UNC5D: variants seen among roughly 807,000 people sequenced by gnomAD.
UNC5D encodes the protein unc-5 netrin receptor D.
In UNC5D, 39 loss-of-function variants were observed where a neutral mutation model predicts 105.4. That is an observed-to-expected ratio of 0.37 (90% confidence interval 0.29 to 0.48). UNC5D has a LOEUF of 0.48. Among genes scored for constraint, UNC5D ranks in the 20% least tolerant of loss-of-function variants. The pLI, the probability that UNC5D is intolerant of heterozygous loss-of-function variation, is 0.98. For missense variants in UNC5D, 991 were observed against 1,202.4 expected (o/e 0.82, Z 2.60); for synonymous variants, 452 against 450.4 (o/e 1.00, Z -0.04).
intron 1 of UNC5D, among the ~76,000 whole-genome samples, chr8:35,471,477 G>A (rs368221233): frequency 6.6e-6 from 1 of 151,994 alleles, no homozygotes; most frequent in African/African-American, 2.4e-5. Flanking sequence ...GTAAACCAAC[G>A]TATAATATTG....
intron 1 of UNC5D, among the ~76,000 whole-genome samples, chr8:35,434,548 A>C (rs535545452): frequency 6.6e-6 from 1 of 152,244 alleles, no homozygotes; most frequent in Non-Finnish European, 1.5e-5. Flanking sequence ...ATTATTCCCC[A>C]GAATAAATTA....
At position 35,273,998 on chromosome 8, in the gene UNC5D, GT is replaced by G. The variant is rs755165518; in HGVS notation, c.103+38123del. Reference sequence around the variant, plus strand: ...TTTATATTAATGTCAATTTATCGTGGTTTTTTTTTTTTAAACTTTCTCAGTA... The same window carrying G: ...TTTATATTAATGTCAATTTATCGTGGTTTTTTTTTTTAAACTTTCTCAGTA... On this transcript the variant is annotated intron_variant, in intron 1 of 16. Coordinates refer to ENST00000404895, the MANE Select transcript of UNC5D (RefSeq NM_080872.4). Among the ~76,000 whole-genome samples the G allele has an allele frequency of 4.2e-3, 617 of 145,648 alleles. 5 individuals are homozygous for G. Among genetic ancestry groups the G allele is most frequent in the African/African-American group, 0.013 (515 of 39,920 alleles).
At chr8:35,336,791 G>GTTTTTTT (rs11404669) in intron 1 of UNC5D, among the ~76,000 whole-genome samples, 3 of 147,666 alleles carry the variant, frequency 2.0e-5, no homozygotes, top group Non-Finnish European at 3.0e-5. Context: ...AGGAAATAGT[G>GTTTTTTT]TTTTTTTTTT....
At chr8:35,270,256 T>C (rs577495042) in intron 1 of UNC5D, among the ~76,000 whole-genome samples, 17 of 152,258 alleles carry the variant, frequency 1.1e-4, no homozygotes, top group Admixed American at 3.3e-4. Flanking sequence ...GGTAAACTCA[T>C]TATGTGGTAA....
At chr8:35,678,416 A>G (rs1253054112) in intron 4 of UNC5D, among the ~76,000 whole-genome samples, 2 of 152,230 alleles carry the variant, frequency 1.3e-5, no homozygotes, top group African/African-American at 4.8e-5. Context: ...ACTGTGCTAC[A>G]TGATAAATAA....
intron 1 of UNC5D, among the ~76,000 whole-genome samples, chr8:35,510,942 T>G (rs768747739): frequency 6.6e-5 from 10 of 152,348 alleles, no homozygotes; most frequent in Admixed American, 2.6e-4. Context: ...TTGGACTAAT[T>G]GAGGGAAAGG....
intron 1 of UNC5D, among the ~76,000 whole-genome samples, chr8:35,380,300 C>A (rs972815706): frequency 6.6e-6 from 1 of 151,590 alleles, no homozygotes; most frequent in Admixed American, 6.6e-5. Flanking sequence ...ATGAGGACCC[C>A]ACTCTCTGCA....
chr8:35,600,282 T>G (rs149913435), intron 4 of UNC5D, among the ~76,000 whole-genome samples: 293 of 152,352 alleles, frequency 1.9e-3, no homozygotes, highest in African/African-American at 6.4e-3. Flanking sequence ...TGTGTCTTTA[T>G]AGCAGAATGA....
chr8:35,793,317 A>G lies in UNC5D; in HGVS notation c.*2754A>G, dbSNP rs1236252078. 6.2e-6 allele frequency: 2 copies of G among 324,878 alleles called. No individual in the cohort carries two copies. The highest frequency in any genetic ancestry group is 5.1e-5 in the South Asian group (2 of 39,014). 20.1% of individuals were successfully genotyped at this position (324,878 alleles called of 1,614,324 possible). On this transcript the variant is annotated 3_prime_UTR_variant, in exon 17 of 17. Transcript: ENST00000404895. ...AGATAAAAAGTGAGCTTACACTTGAACTTAGTTATTCACTGTGACCTAAAT... is the reference window on the plus strand; with the variant it reads ...AGATAAAAAGTGAGCTTACACTTGAGCTTAGTTATTCACTGTGACCTAAAT...
intron 1 of UNC5D, among the ~76,000 whole-genome samples, chr8:35,240,624 G>A (rs930593731): frequency 6.6e-6 from 1 of 152,126 alleles, no homozygotes; most frequent in African/African-American, 2.4e-5. Flanking sequence ...CATGGAGTTA[G>A]GACATAGTAG....
intron 1 of UNC5D, among the ~76,000 whole-genome samples, chr8:35,246,447 G>A (rs1473430211): frequency 1.3e-5 from 2 of 152,032 alleles, no homozygotes; most frequent in Admixed American, 6.6e-5. Context: ...AGTGGCTGTA[G>A]GTTAATGCAT....
chr8:35,548,171 CACCCAGGA>C (rs1290438223), intron 1 of UNC5D, among the ~76,000 whole-genome samples: 7 of 152,186 alleles, frequency 4.6e-5, no homozygotes, highest in African/African-American at 1.7e-4. Flanking sequence ...CTCACAGACT[CACCCAGGA>C]ACAATACTTT....
At chr8:35,305,487 G>A (rs942875987) in intron 1 of UNC5D, among the ~76,000 whole-genome samples, 4 of 152,046 alleles carry the variant, frequency 2.6e-5, no homozygotes, top group Non-Finnish European at 5.9e-5. Flanking sequence ...AAATACCATA[G>A]AATTGTGTGT....
chr8:35,690,572 T>C (rs371501042), intron 7 of UNC5D, among the ~76,000 whole-genome samples: 2 of 152,200 alleles, frequency 1.3e-5, no homozygotes, highest in East Asian at 3.9e-4. Flanking sequence ...TGAGCCATGA[T>C]CGTGCTATTG....
chr8:35,551,216 A>T (rs1372474319), intron 2 of UNC5D, among the ~76,000 whole-genome samples: 2 of 152,196 alleles, frequency 1.3e-5, no homozygotes, highest in Non-Finnish European at 2.9e-5. Flanking sequence ...CTGGTTCAAG[A>T]GTCGGGAGGC....
intron 3 of UNC5D, among the ~76,000 whole-genome samples, chr8:35,578,226 A>C (rs1818221330): frequency 1.6e-5 from 1 of 64,408 alleles, no homozygotes; most frequent in Non-Finnish European, 2.6e-5. Context: ...ACTCTGTCTC[A>C]AAAAAAAAAA....
At chr8:35,408,438 A>T (rs1353667035) in intron 1 of UNC5D, among the ~76,000 whole-genome samples, 1 of 151,078 alleles carries the variant, frequency 6.6e-6, no homozygotes, top group Non-Finnish European at 1.5e-5. Context: ...GAATGTAAAA[A>T]GTCCGTTGGA....
At chr8:35,456,857 C>T (rs1017668142) in intron 1 of UNC5D, among the ~76,000 whole-genome samples, 9 of 152,276 alleles carry the variant, frequency 5.9e-5, no homozygotes, top group African/African-American at 1.2e-4. Context: ...ATGCATTATA[C>T]GATGGATATT....
At chr8:35,485,552 G>C (rs1388851625) in intron 1 of UNC5D, among the ~76,000 whole-genome samples, 1 of 152,098 alleles carries the variant, frequency 6.6e-6, no homozygotes, top group African/African-American at 2.4e-5. Context: ...TTAAATCCCA[G>C]AGGCTTTATG....
Sources: gnomAD v4.1 joint callset for allele counts (sites outside exome capture counted in the v4.1 genomes callset) on GRCh38, gnomAD v4.1.1 for gene constraint, MANE v1.5 for transcripts, NCBI Gene and HGNC (gene_info 2026-07-23, HGNC 2026-07-21) for gene names.